SWI5: variants seen among roughly 807,000 people sequenced by gnomAD.
The protein encoded by SWI5 is SWI5 homologous recombination repair protein.
A neutral mutation model predicts 17.0 loss-of-function variants in SWI5; 12 were observed. That is an observed-to-expected ratio of 0.71 (90% CI 0.45 to 1.14). The LOEUF is 1.14. Ranked by LOEUF, SWI5 falls within the 50% of genes most tolerant of loss-of-function variation. The pLI is 0.00. For missense variants in SWI5, 158 were observed against 162.2 expected (o/e 0.97, Z 0.14); for synonymous variants, 61 against 64.0 (o/e 0.95, Z 0.22).
chr9:128,277,950 T>G (rs1458190931), intron 2 of SWI5, among the ~76,000 whole-genome samples: 1 of 6,606 alleles, frequency 1.5e-4, no homozygotes, highest in African/African-American at 1.8e-4. Context: ...TTCCTTCTCT[T>G]TTTTTTTTTT....
chr9:128,275,685 C>T (rs1831292832), upstream of SWI5, among the ~76,000 whole-genome samples: 1 of 151,900 alleles, frequency 6.6e-6, no homozygotes, highest in South Asian at 2.1e-4. Flanking sequence ...AGCACCAGCC[C>T]AAAGTCACCC....
In SWI5 at chr9:128,288,635, G is replaced by GCCTT. The variant is rs767971485; in HGVS notation, c.329-8_329-5dup. 4 of 1,614,078 alleles carry GCCTT rather than the reference G, an allele frequency of 2.5e-6. No homozygotes were observed. The Admixed American group carries it at 6.7e-5, about 27-fold the overall frequency. On this transcript the variant is annotated splice_polypyrimidine_tract_variant and intron_variant, in intron 4 of 4. Coordinates refer to ENST00000418976, the Ensembl canonical transcript of SWI5. ...CCTCTCCCCACTGCACATTCAGCCT[G>GCCTT]CCTTCCTTCCTTTCAGCTGTGATCC...
upstream of SWI5, chr9:128,276,009 G>C (rs1831341632): frequency 6.3e-7 from 1 of 1,593,820 alleles, no homozygotes; most frequent in East Asian, 2.2e-5. Flanking sequence ...GCGGAAGTCA[G>C]TCAGCCACCG....
At chr9:128,288,535 G>C in intron 4 of SWI5, 117 bp from the exon 5 acceptor site, 1 of 1,053,448 alleles carries the variant, frequency 9.5e-7, no homozygotes, top group South Asian at 1.4e-5. Context: ...GTGGGGACTG[G>C]CTTGAAGCCA....
At chr9:128,275,639 G>T (rs887876535), upstream of SWI5, 4 of 686,812 alleles carry the variant, frequency 5.8e-6, no homozygotes, top group Non-Finnish European at 9.2e-6. Context: ...CGGGGGGCAG[G>T]AGGTGAGGGC....
chr9:128,286,202 C>G (rs1831636571), intron 4 of SWI5, 169 bp downstream of exon 4: 1 of 582,662 alleles, frequency 1.7e-6, no homozygotes, highest in Non-Finnish European at 3.1e-6. Context: ...TCTGGTCTCC[C>G]TGGCCACCTA....
intron 2 of SWI5, 40 bp from the exon 3 acceptor site, chr9:128,284,470 T>A (rs752069534): frequency 6.2e-7 from 1 of 1,603,774 alleles, no homozygotes; most frequent in African/African-American, 1.3e-5. Flanking sequence ...GAATTGTGGA[T>A]AACTGGTCAG....
At chr9:128,281,180 G>C (rs1394394423) in intron 2 of SWI5, among the ~76,000 whole-genome samples, 4 of 151,822 alleles carry the variant, frequency 2.6e-5, no homozygotes, top group Admixed American at 1.3e-4. Context: ...TGGGACTACA[G>C]GTGCGCACCA....
chr9:128,275,637 A>G (rs1049227279), upstream of SWI5: 94 of 686,686 alleles, frequency 1.4e-4, no homozygotes, highest in African/African-American at 1.7e-3. Flanking sequence ...TTCGGGGGGC[A>G]GGAGGTGAGG....
rs1010227055 is a variant in SWI5 at position 128,285,893 on chromosome 9, T to G, written c.234-46T>G. 3 of 1,389,274 alleles carry G rather than the reference T, an allele frequency of 2.2e-6. No homozygotes were observed. The highest frequency in any genetic ancestry group is 3.1e-6 in the Non-Finnish European group (3 of 976,600). The allele number at this position is 1,389,274 out of a possible 1,614,324, so 86.1% of individuals were successfully genotyped here. ...TCTGAGCCTGGGGCCATCATCTGCT[T>G]TCTTAACTGGGCTGTCTTTCCCCCT... On this transcript the variant is annotated intron_variant, in intron 3 of 4. Coordinates refer to ENST00000418976, the Ensembl canonical transcript of SWI5. The surrounding 1 kb of genome is among the most constrained non-coding windows in gnomAD (Gnocchi z 4.8).
At chr9:128,284,146 G>A (rs975563591) in intron 2 of SWI5, among the ~76,000 whole-genome samples, 9 of 151,604 alleles carry the variant, frequency 5.9e-5, no homozygotes, top group Middle Eastern at 3.4e-3. Flanking sequence ...AAAATTAGCC[G>A]GGCATGGTGG....
Position 128,285,867 on chromosome 9 carries a change from A to G in SWI5, c.234-72A>G, listed in dbSNP as rs1831629292. On this transcript the variant is annotated intron_variant, in intron 3 of 4. Transcript: ENST00000418976. This position sits in a 1 kb window ranked among gnomAD's most constrained non-coding sequence, Gnocchi z 4.8. ...AGGCCATTACAGATGCCTTATTACT[A>G]TCTGAGCCTGGGGCCATCATCTGCT... 1 of 1,040,020 alleles carries G rather than the reference A, an allele frequency of 9.6e-7. No individual in the cohort carries two copies. The highest frequency in any genetic ancestry group is 2.4e-5 in the East Asian group (1 of 42,184). 64.4% of individuals were successfully genotyped at this position (1,040,020 alleles called of 1,614,324 possible).
At chr9:128,278,439 T>C (rs1407418223) in intron 2 of SWI5, among the ~76,000 whole-genome samples, 1 of 151,906 alleles carries the variant, frequency 6.6e-6, no homozygotes, top group Non-Finnish European at 1.5e-5. Flanking sequence ...TAGTGGTACA[T>C]GCCTGTAATC....
chr9:128,275,602 C>A (rs1347665807), upstream of SWI5: 4 of 872,660 alleles, frequency 4.6e-6, no homozygotes, highest in Non-Finnish European at 4.9e-6. Context: ...GAGACGCCAG[C>A]CCAAAGAGCC....
rs1027172718 is a variant in SWI5 at position 128,285,250 on chromosome 9, GGGGGAAGGAA to G, written c.233+620_233+629del. 2.1e-4 allele frequency among the ~76,000 whole-genome samples: 32 copies of G among 150,058 alleles called. No homozygotes were observed. The highest frequency in any genetic ancestry group is 7.6e-4 in the African/African-American group (31 of 40,896). On this transcript the variant is annotated intron_variant, in intron 3 of 4. Coordinates refer to ENST00000418976, the Ensembl canonical transcript of SWI5. The surrounding 1 kb of genome is among the most constrained non-coding windows in gnomAD (Gnocchi z 4.8). ...AAGAAAGGAAGGGAAAGAAGGAAAG[GGGGGAAGGAA>G]AGGGAAGGAAGGAAGGGAAAGGAAG...
At chr9:128,278,659 C>T (rs530431197) in intron 2 of SWI5, 176 of 471,658 alleles carry the variant, frequency 3.7e-4, no homozygotes, top group South Asian at 2.8e-4. Context: ...TTTGAGAAGA[C>T]GCTTTACTGT....
intron 4 of SWI5, among the ~76,000 whole-genome samples, chr9:128,287,296 T>G (rs1030092450): frequency 6.6e-6 from 1 of 150,464 alleles, no homozygotes; most frequent in African/African-American, 2.4e-5. Flanking sequence ...AATACAAAAA[T>G]TAGCTAGGTG....
upstream of SWI5, chr9:128,275,845 G>T: frequency 1.0e-6 from 1 of 979,872 alleles, no homozygotes; most frequent in Non-Finnish European, 1.6e-6. Context: ...CCTGCCATCG[G>T]AGTGGGGCTG....
chr9:128,276,656 T>G (rs1369713104), intron 1 of SWI5, 51 bp from the exon 2 acceptor site: 2 of 1,613,970 alleles, frequency 1.2e-6, no homozygotes, highest in Admixed American at 3.3e-5. Flanking sequence ...TACCCCGTCC[T>G]CACAGCGGGC....
Sources: gnomAD v4.1 joint callset for allele counts (sites outside exome capture counted in the v4.1 genomes callset) on GRCh38, gnomAD v4.1.1 for gene constraint, Gnocchi (gnomAD v3.1) non-coding constraint, MANE v1.5 for transcripts, NCBI Gene and HGNC (gene_info 2026-07-23, HGNC 2026-07-21) for gene names.